The following CA10 variants were observed in gnomAD, a reference collection of about 807,000 sequenced individuals.
CA10 encodes the protein carbonic anhydrase 10 (inactive), also known as carbonic anhydrase-related protein 10.
CA10 carries 14 observed loss-of-function variants against 44.2 expected under a neutral mutation model. The ratio of observed to expected loss-of-function variants is 0.32; its 90% CI spans 0.21 to 0.50. The LOEUF is 0.50. Ranked by LOEUF, CA10 falls within the 20% of genes least tolerant of loss-of-function variation. The probability of loss-of-function intolerance (pLI) is 0.99; values close to 1 mark genes in which losing one functional copy is unlikely to be tolerated. For missense variants in CA10, 350 were observed against 409.7 expected (o/e 0.85, Z 1.26); for synonymous variants, 159 against 141.6 (o/e 1.12, Z -0.87).
intron 3 of CA10, among the ~76,000 whole-genome samples, chr17:51,878,036 C>A (rs922772079): frequency 5.5e-5 from 8 of 146,336 alleles, no homozygotes; most frequent in African/African-American, 2.0e-4. Context: ...CCCAGCTACT[C>A]GGGAGGCTGA....
At chr17:51,771,148 A>AAG (rs3034824) in intron 3 of CA10, among the ~76,000 whole-genome samples, 5 of 141,120 alleles carry the variant, frequency 3.5e-5, no homozygotes, top group Non-Finnish European at 6.3e-5. Flanking sequence ...AAAAAAAAAA[A>AAG]GACCAGATCT....
In CA10 at chr17:51,943,513, C is replaced by A. The variant is rs952342121; in HGVS notation, c.137-12381G>T. 3.9e-5 allele frequency among the ~76,000 whole-genome samples: 6 copies of A among 152,180 alleles called. No homozygotes were observed. In the East Asian group the frequency reaches 1.2e-3, roughly 29 times the overall value. ...AGTGAATTTCTGGCACTCCTCAACA[C>A]CTTGTACCCAAATGTATGCCCAGCC... On this transcript the variant is annotated intron_variant, in intron 2 of 8. Coordinates refer to ENST00000451037, the MANE Select transcript of CA10 (RefSeq NM_020178.5).
rs1989847597 is a variant in CA10, at chr17:52,158,059, C to T, written c.-273G>A. The T allele has an allele frequency of 7.4e-6, 4 of 539,884 alleles. No individual in the cohort carries two copies. The highest frequency in any genetic ancestry group is 2.0e-5 in the South Asian group (1 of 49,176). The allele number at this position is 539,884 out of a possible 1,614,324, so 33.4% of individuals were successfully genotyped here. On this transcript the variant is annotated 5_prime_UTR_variant, in exon 1 of 9. Coordinates refer to ENST00000451037, the MANE Select transcript of CA10 (RefSeq NM_020178.5). Reference sequence around the variant, plus strand: ...GCTGCCTTGGAGGTCTCCCCGCTCGCGTGTCTCTTCTCTTCGCACCAGCGG... The same window carrying T: ...GCTGCCTTGGAGGTCTCCCCGCTCGTGTGTCTCTTCTCTTCGCACCAGCGG...
At chr17:51,735,621 C>G (rs141196589) in intron 4 of CA10, among the ~76,000 whole-genome samples, 109 of 152,154 alleles carry the variant, frequency 7.2e-4, no homozygotes, top group African/African-American at 2.3e-3. Context: ...TAAAAACAAC[C>G]ATTTTTGAGC....
At chr17:51,877,703 T>G (rs557030212) in intron 3 of CA10, among the ~76,000 whole-genome samples, 1 of 152,350 alleles carries the variant, frequency 6.6e-6, no homozygotes, top group Admixed American at 6.5e-5. Flanking sequence ...CATCTCTAAA[T>G]GACAATTAGT....
chr17:52,054,359 T>G (rs968850345), intron 2 of CA10, among the ~76,000 whole-genome samples: 1 of 152,028 alleles, frequency 6.6e-6, no homozygotes, highest in African/African-American at 2.4e-5. Context: ...CCTAATAAAT[T>G]TTGGTAAGAC....
At chr17:52,037,061 G>A (rs1217536170) in intron 2 of CA10, among the ~76,000 whole-genome samples, 2 of 152,104 alleles carry the variant, frequency 1.3e-5, no homozygotes, top group Non-Finnish European at 2.9e-5. Context: ...GACAAGTGAT[G>A]TGGTAACCAA....
chr17:52,090,164 G>A (rs1000422507), intron 1 of CA10, among the ~76,000 whole-genome samples: 2 of 152,140 alleles, frequency 1.3e-5, no homozygotes, highest in Non-Finnish European at 2.9e-5. Context: ...AGATAAATCA[G>A]TAAGATAGAG....
intron 2 of CA10, among the ~76,000 whole-genome samples, chr17:52,016,102 T>C (rs1393857414): frequency 1.3e-5 from 2 of 152,052 alleles, no homozygotes; most frequent in Non-Finnish European, 2.9e-5. Flanking sequence ...GCATTGGAGT[T>C]TGCTGCCATA....
intron 7 of CA10, 50 bp downstream of exon 7, chr17:51,635,800 ATTTTT>A: frequency 7.3e-7 from 1 of 1,376,426 alleles, no homozygotes; most frequent in East Asian, 2.4e-5. Flanking sequence ...CATTTCAGTG[ATTTTT>A]TTTTAACATC....
chr17:52,123,329 G>A (rs1339494595), intron 1 of CA10, among the ~76,000 whole-genome samples: 2 of 138,486 alleles, frequency 1.4e-5, no homozygotes, highest in South Asian at 2.5e-4. Flanking sequence ...ACATATATAT[G>A]TGTGTGTGTG....
At chr17:51,705,821 G>C (rs1228977297) in intron 4 of CA10, among the ~76,000 whole-genome samples, 1 of 152,130 alleles carries the variant, frequency 6.6e-6, no homozygotes, top group Non-Finnish European at 1.5e-5. Context: ...AGAGGTGACA[G>C]GTAGAGATGG....
At chr17:52,038,333 C>A (rs762345037) in intron 2 of CA10, among the ~76,000 whole-genome samples, 2 of 152,102 alleles carry the variant, frequency 1.3e-5, no homozygotes, top group Non-Finnish European at 2.9e-5. Flanking sequence ...CTTTAAAATA[C>A]TGTTATCGTT....
intron 1 of CA10, among the ~76,000 whole-genome samples, chr17:52,156,456 C>T (rs532918898): frequency 6.6e-6 from 1 of 152,292 alleles, no homozygotes; most frequent in African/African-American, 2.4e-5. Context: ...AGCCAAGCCC[C>T]ACACAGAATG....
At chr17:51,865,102 G>T (rs1979485666) in intron 3 of CA10, among the ~76,000 whole-genome samples, 1 of 152,130 alleles carries the variant, frequency 6.6e-6, no homozygotes. Context: ...ATTCTTCAGG[G>T]TCTCTTCATC....
Position 51,631,371 on chromosome 17 carries a change from CA to C in CA10, c.*212del. On this transcript the variant is annotated 3_prime_UTR_variant, in exon 9 of 9. Coordinates refer to ENST00000451037, the MANE Select transcript of CA10 (RefSeq NM_020178.5). ...GTTTGCATGTGTTTGTATGTATGTG[CA>C]AGTGCTTGTGTGTGTGTTTGTGAGT... 1 of 622,064 alleles carries C rather than the reference CA, an allele frequency of 1.6e-6. No individual in the cohort carries two copies. 38.5% of individuals were successfully genotyped at this position (622,064 alleles called of 1,614,324 possible). A position where few individuals can be genotyped will look rare whatever the true frequency, so the allele number is the denominator to read the frequency against.
At chr17:51,744,058 G>A (rs1418325789) in intron 4 of CA10, among the ~76,000 whole-genome samples, 4 of 152,120 alleles carry the variant, frequency 2.6e-5, no homozygotes, top group Non-Finnish European at 4.4e-5. Context: ...AGTGGCTCAC[G>A]CCTGTAATCT....
At chr17:51,979,638 C>T (rs1347268514) in intron 2 of CA10, among the ~76,000 whole-genome samples, 1 of 152,126 alleles carries the variant, frequency 6.6e-6, no homozygotes, top group African/African-American at 2.4e-5. Flanking sequence ...ACGAACGTCT[C>T]AATAAATCAT....
At chr17:52,137,354 AAC>A (rs1989382468) in intron 1 of CA10, among the ~76,000 whole-genome samples, 1 of 152,230 alleles carries the variant, frequency 6.6e-6, no homozygotes, top group Non-Finnish European at 1.5e-5. Flanking sequence ...TATTATCTGT[AAC>A]ACACAGGAAT....
Sources: allele counts gnomAD v4.1 joint callset (sites outside exome capture counted in the v4.1 genomes callset), GRCh38; gene constraint gnomAD v4.1.1; transcripts MANE v1.5; gene names NCBI Gene and HGNC (gene_info 2026-07-23, HGNC 2026-07-21).